TWIST2: variants seen among roughly 807,000 people sequenced by gnomAD.
TWIST2 encodes the protein twist-related protein 2.
A neutral mutation model predicts 11.6 loss-of-function variants in TWIST2; 1 was observed. The ratio of observed to expected loss-of-function variants is 0.09; its 90% CI spans 0.03 to 0.41. The LOEUF is 0.41. Among genes scored for constraint, TWIST2 ranks in the 10% least tolerant of loss-of-function variants. TWIST2 has a pLI of 0.98. For synonymous variants in TWIST2, 87 were observed against 96.6 expected, an observed-to-expected ratio of 0.90 and a Z score of 0.58; for missense variants, 168 against 226.4, an observed-to-expected ratio of 0.74 and a Z score of 1.66.
At chr2:238,908,430 A>T (rs1441014810) in intron 1 of TWIST2, among the ~76,000 whole-genome samples, 4 of 151,364 alleles carry the variant, frequency 2.6e-5, no homozygotes, top group African/African-American at 9.7e-5. Flanking sequence ...CACCACACAT[A>T]CCACATACAC....
intron 1 of TWIST2, among the ~76,000 whole-genome samples, chr2:238,877,723 A>G (rs1316782524): frequency 6.6e-6 from 1 of 152,228 alleles, no homozygotes; most frequent in African/African-American, 2.4e-5. Context: ...CTCTGTTTGG[A>G]AATACATACT....
intron 1 of TWIST2, among the ~76,000 whole-genome samples, chr2:238,862,152 G>A (rs1241030575): frequency 6.6e-6 from 1 of 152,212 alleles, no homozygotes; most frequent in East Asian, 1.9e-4. Flanking sequence ...CTGAAGTGGT[G>A]TTTACTAATG....
chr2:238,866,223 T>C lies in TWIST2; in HGVS notation c.*35+17490T>C, dbSNP rs960861228. On this transcript the variant is annotated intron_variant, in intron 1 of 1. Coordinates refer to ENST00000612363, the MANE Select transcript of TWIST2 (RefSeq NM_001271893.4). This position sits in a 1 kb window ranked among gnomAD's most constrained non-coding sequence, Gnocchi z 4.9. ...CCTGCCTGCTCTTCTGTGAGCTGCC[T>C]CTGAGCCCTGGGCACCCTCCATGGC... Among the ~76,000 whole-genome samples, 2 of 152,202 alleles carry C rather than the reference T, an allele frequency of 1.3e-5. No individual in the cohort carries two copies. The highest frequency in any genetic ancestry group is 2.9e-5 in the Non-Finnish European group (2 of 68,034).
rs998149972 is a variant in TWIST2 at position 238,901,113 on chromosome 2, A to T, written c.*36-8729A>T. ...TGCCTCAGCCTCTGGAGTAGCTGGG[A>T]TTACAGGTGTGTGCCAACCATGCTG... On this transcript the variant is annotated intron_variant, in intron 1 of 1. Coordinates refer to ENST00000612363, the MANE Select transcript of TWIST2 (RefSeq NM_001271893.4). 3.2e-4 allele frequency among the ~76,000 whole-genome samples: 49 copies of T among 151,246 alleles called. No homozygotes were observed. The South Asian group carries it at 8.8e-3, about 27-fold the overall frequency.
At chr2:238,861,294 A>G (rs138849820) in intron 1 of TWIST2, among the ~76,000 whole-genome samples, 6 of 152,298 alleles carry the variant, frequency 3.9e-5, no homozygotes, top group Non-Finnish European at 7.3e-5. Flanking sequence ...CATTCGTAGC[A>G]CAGCACACTT....
At chr2:238,872,350 G>A (rs1224549025) in intron 1 of TWIST2, among the ~76,000 whole-genome samples, 1 of 152,222 alleles carries the variant, frequency 6.6e-6, no homozygotes, top group Non-Finnish European at 1.5e-5. Flanking sequence ...AAGGCCAGAG[G>A]AGTGGTCTCA....
At chr2:238,850,646 C>G (rs1266235132) in intron 1 of TWIST2, among the ~76,000 whole-genome samples, 2 of 151,958 alleles carry the variant, frequency 1.3e-5, no homozygotes, top group African/African-American at 4.8e-5. Context: ...CATAGGTAAC[C>G]ATTAAAGATT....
At chr2:238,899,645 G>A (rs920009273) in intron 1 of TWIST2, among the ~76,000 whole-genome samples, 13 of 152,286 alleles carry the variant, frequency 8.5e-5, no homozygotes, top group South Asian at 2.1e-4. Flanking sequence ...TGCTCTCACC[G>A]TCCCTCCTTT....
At chr2:238,870,134 ACCACACCCCATACACACCACACC>A (rs1692624120) in intron 1 of TWIST2, among the ~76,000 whole-genome samples, 1 of 63,398 alleles carries the variant, frequency 1.6e-5, no homozygotes. Flanking sequence ...CCACACACAC[ACCACACCCCATACACACCACACC>A]CCACACACAC....
chr2:238,905,936 TGTGTGTGCGC>T lies in TWIST2; in HGVS notation c.*36-3904_*36-3895del, dbSNP rs1693343116. On this transcript the variant is annotated intron_variant, in intron 1 of 1. Coordinates refer to ENST00000612363, the MANE Select transcript of TWIST2 (RefSeq NM_001271893.4). ...GTGCGTGCAGGTGTGCGTGTGCGCGTGTGTGTGCGCGCGCGTGTGTACGTGTGCGTGTGTG... is the reference window on the plus strand; with the variant it reads ...GTGCGTGCAGGTGTGCGTGTGCGCGTGCGCGTGTGTACGTGTGCGTGTGTG... Among the ~76,000 whole-genome samples, 331 of 112,356 alleles carry T rather than the reference TGTGTGTGCGC, an allele frequency of 2.9e-3. 1 individual carries two copies. Among genetic ancestry groups the T allele is most frequent in the African/African-American group, 0.013 (321 of 24,944 alleles). The allele number at this position is 112,356 out of a possible 152,430, so 73.7% of individuals were successfully genotyped here. A position where few individuals can be genotyped will look rare whatever the true frequency, so the allele number is the denominator to read the frequency against.
chr2:238,884,197 C>T (rs1328708421), intron 1 of TWIST2, among the ~76,000 whole-genome samples: 1 of 152,222 alleles, frequency 6.6e-6, no homozygotes, highest in Non-Finnish European at 1.5e-5. Flanking sequence ...TCGTTGGCTG[C>T]CAGTTGTGCC....
intron 1 of TWIST2, among the ~76,000 whole-genome samples, chr2:238,895,193 C>G (rs1169267288): frequency 1.3e-5 from 2 of 152,246 alleles, no homozygotes; most frequent in Non-Finnish European, 2.9e-5. Context: ...AAAGTTCACG[C>G]CCCTGGCTTG....
At chr2:238,908,332 C>G (rs1693391211) in intron 1 of TWIST2, among the ~76,000 whole-genome samples, 1 of 114,950 alleles carries the variant, frequency 8.7e-6, no homozygotes, top group African/African-American at 3.4e-5. Flanking sequence ...CACACACATA[C>G]CACACACACA....
At chr2:238,901,777 T>A (rs1016990348) in intron 1 of TWIST2, among the ~76,000 whole-genome samples, 43 of 151,856 alleles carry the variant, frequency 2.8e-4, no homozygotes, top group Non-Finnish European at 5.0e-4. Context: ...CTTTGTGGGG[T>A]GGCCAGGACC....
intron 1 of TWIST2, among the ~76,000 whole-genome samples, chr2:238,874,000 C>G (rs1692760014): frequency 6.6e-6 from 1 of 152,172 alleles, no homozygotes; most frequent in Non-Finnish European, 1.5e-5. Flanking sequence ...ACTTGCGGCT[C>G]TGTACCTCTC....
Position 238,877,426 on chromosome 2 carries a change from A to G in TWIST2, c.*35+28693A>G, listed in dbSNP as rs150428474. ...AGAACCTTGCTGTCTACCCCATATC[A>G]AAAAAAGAAATCATTTGAAAATCTT... On this transcript the variant is annotated intron_variant, in intron 1 of 1. Coordinates refer to ENST00000612363, the MANE Select transcript of TWIST2 (RefSeq NM_001271893.4). Among the ~76,000 whole-genome samples, 790 of 152,224 alleles carry G rather than the reference A, an allele frequency of 5.2e-3. 5 individuals carry two copies. Among genetic ancestry groups the G allele is most frequent in the African/African-American group, 0.018 (742 of 41,512 alleles).
intron 1 of TWIST2, among the ~76,000 whole-genome samples, chr2:238,873,459 A>G (rs1019327099): frequency 2.6e-5 from 4 of 152,196 alleles, no homozygotes; most frequent in African/African-American, 9.6e-5. Context: ...GTTGAGGATT[A>G]GGTGCGCAGA....
At chr2:238,853,464 AG>A in intron 1 of TWIST2, among the ~76,000 whole-genome samples, 1 of 151,322 alleles carries the variant, frequency 6.6e-6, no homozygotes, top group Admixed American at 6.6e-5. Context: ...AGAGAGAGAG[AG>A]AGAGAGAGAG....
chr2:238,865,646 A>C (rs998138818), intron 1 of TWIST2, among the ~76,000 whole-genome samples: 9 of 151,424 alleles, frequency 5.9e-5, no homozygotes, highest in Non-Finnish European at 1.5e-5. Flanking sequence ...TGAGTCTTTG[A>C]ATTTGCAGGG....
Sources: gnomAD v4.1 joint callset for allele counts (sites outside exome capture counted in the v4.1 genomes callset) on GRCh38, gnomAD v4.1.1 for gene constraint, Gnocchi (gnomAD v3.1) non-coding constraint, MANE v1.5 for transcripts, NCBI Gene and HGNC (gene_info 2026-07-23, HGNC 2026-07-21) for gene names.